ADAMTS17: variants seen among roughly 807,000 people sequenced by gnomAD.
ADAMTS17 encodes ADAM metallopeptidase with thrombospondin type 1 motif 17, also known as A disintegrin and metalloproteinase with thrombospondin motifs 17.
In ADAMTS17, 113 loss-of-function variants were observed where a neutral mutation model predicts 141.5. The ratio of observed to expected loss-of-function variants is 0.80; its 90% confidence interval spans 0.69 to 0.93. The LOEUF (loss-of-function observed/expected upper bound fraction) is 0.93. Among genes scored for constraint, ADAMTS17 ranks in the 40% least tolerant of loss-of-function variants. The probability of loss-of-function intolerance (pLI) is 0.00; values close to 1 mark genes in which losing one functional copy is unlikely to be tolerated. For missense variants in ADAMTS17, 1,659 were observed against 1,517.9 expected, an observed-to-expected ratio of 1.09 and a Z score of -1.54; for synonymous variants, 768 against 630.6, an observed-to-expected ratio of 1.22 and a Z score of -3.27.
chr15:100,022,866 C>G (rs533087792), intron 18 of ADAMTS17, among the ~76,000 whole-genome samples: 47 of 152,270 alleles, frequency 3.1e-4, no homozygotes, highest in African/African-American at 1.0e-3. Flanking sequence ...GAAGGAGATT[C>G]ATTTTATTTC....
chr15:100,225,664 GC>G (rs1164364982), intron 7 of ADAMTS17, among the ~76,000 whole-genome samples: 86 of 142,926 alleles, frequency 6.0e-4, no homozygotes, highest in African/African-American at 1.1e-3. Context: ...CGGTCTCTGT[GC>G]CCATTCAGTC....
At chr15:100,238,284 C>A (rs916446825) in intron 7 of ADAMTS17, among the ~76,000 whole-genome samples, 1 of 152,218 alleles carries the variant, frequency 6.6e-6, no homozygotes, top group Admixed American at 6.5e-5. Context: ...TTCTTATCTG[C>A]TTTCCATGTT....
intron 8 of ADAMTS17, among the ~76,000 whole-genome samples, chr15:100,158,761 T>C (rs1445163428): frequency 6.6e-6 from 1 of 152,214 alleles, no homozygotes; most frequent in Admixed American, 6.5e-5. Flanking sequence ...ATGAAGCTCC[T>C]ACAACTCAAT....
At chr15:100,194,114 T>C (rs948095440) in intron 8 of ADAMTS17, among the ~76,000 whole-genome samples, 2 of 152,234 alleles carry the variant, frequency 1.3e-5, no homozygotes, top group African/African-American at 4.8e-5. Context: ...TTTTTCTGAG[T>C]GGGTGGCGGA....
chr15:100,053,209 G>C lies in ADAMTS17; in HGVS notation c.2295+688C>G, dbSNP rs561945313. Among the ~76,000 whole-genome samples, 5 of 152,294 alleles carry C rather than the reference G, an allele frequency of 3.3e-5. No individual in the cohort carries two copies. The South Asian group carries it at 8.3e-4, about 25-fold the overall frequency. On this transcript the variant is annotated intron_variant, in intron 16 of 21. Coordinates refer to ENST00000268070, the MANE Select transcript of ADAMTS17 (RefSeq NM_139057.4). Reference sequence around the variant, plus strand: ...TTAGCCATGAGAACTCCTGGATCTTGAGACGGAAGCAGGGCGCTCCATTCC... The same window carrying C: ...TTAGCCATGAGAACTCCTGGATCTTCAGACGGAAGCAGGGCGCTCCATTCC...
chr15:100,167,947 C>T (rs1017592591), intron 8 of ADAMTS17, among the ~76,000 whole-genome samples: 1 of 152,138 alleles, frequency 6.6e-6, no homozygotes. Flanking sequence ...CTGCTCTGGC[C>T]CAGGACACAG....
chr15:100,004,288 A>T (rs1418994705), intron 18 of ADAMTS17, among the ~76,000 whole-genome samples: 1 of 152,212 alleles, frequency 6.6e-6, no homozygotes, highest in African/African-American at 2.4e-5. Flanking sequence ...GATCTTGACA[A>T]ATCTCAATGA....
chr15:100,203,891 C>CT (rs2041434729), intron 7 of ADAMTS17, among the ~76,000 whole-genome samples: 1 of 150,192 alleles, frequency 6.7e-6, no homozygotes, highest in Non-Finnish European at 1.5e-5. Context: ...GACCAAGACT[C>CT]TGTCTCAAAA....
In ADAMTS17 at chr15:100,032,616, A is replaced by G. The variant is rs546036507; in HGVS notation, c.2591+16241T>C. On this transcript the variant is annotated intron_variant, in intron 18 of 21. Transcript: ENST00000268070. The stretch of plus-strand genomic sequence containing the variant: ...GATGACTCTCTTGCCCCGCTTTTGG[A>G]TATCAATTTAGAGCTGCCTTGGTCA... Among the ~76,000 whole-genome samples the G allele has an allele frequency of 3.9e-5, 6 of 152,260 alleles. No homozygotes were observed. In the South Asian group the frequency reaches 1.2e-3, roughly 32 times the overall value.
intron 8 of ADAMTS17, among the ~76,000 whole-genome samples, chr15:100,183,613 A>G (rs2040601973): frequency 6.6e-6 from 1 of 152,226 alleles, no homozygotes; most frequent in Non-Finnish European, 1.5e-5. Flanking sequence ...CAATTCCAAC[A>G]TTTGTCACTG....
At chr15:100,341,494 G>T in intron 1 of ADAMTS17, 85 bp from the exon 2 acceptor site, 1 of 996,198 alleles carries the variant, frequency 1.0e-6, no homozygotes, top group East Asian at 1.0e-4. Context: ...CGCCAGCGCG[G>T]GGACAGCGCG....
rs528874013 is a variant in ADAMTS17 at position 100,089,378 on chromosome 15, T to C, written c.2137+6978A>G. On this transcript the variant is annotated intron_variant, in intron 15 of 21. Transcript: ENST00000268070. ...GGAGAAATAGAACACTTTTACACTG[T>C]TGGTGGGATTGTAAACTAGTTCAAC... Among the ~76,000 whole-genome samples the C allele has an allele frequency of 4.2e-5, 6 of 143,534 alleles. No homozygotes were observed. The South Asian group carries it at 1.3e-3, about 31-fold the overall frequency. The allele number at this position is 143,534 out of a possible 152,430, so 94.2% of individuals were successfully genotyped here.
chr15:100,116,156 A>C (rs1021885987), intron 13 of ADAMTS17, among the ~76,000 whole-genome samples: 2 of 150,238 alleles, frequency 1.3e-5, no homozygotes, highest in African/African-American at 2.5e-5. Flanking sequence ...AAAAAAAAAA[A>C]AACCCAACAA....
At chr15:100,288,638 T>C (rs1160120434) in intron 3 of ADAMTS17, among the ~76,000 whole-genome samples, 1 of 152,034 alleles carries the variant, frequency 6.6e-6, no homozygotes, top group Non-Finnish European at 1.5e-5. Context: ...CTCAGCACAT[T>C]CACAAAAAAC....
intron 4 of ADAMTS17, among the ~76,000 whole-genome samples, chr15:100,268,668 G>T (rs568100842): frequency 6.6e-6 from 1 of 152,224 alleles, no homozygotes; most frequent in African/African-American, 2.4e-5. Flanking sequence ...ATTCCTTATA[G>T]ATTCTGGATG....
intron 7 of ADAMTS17, among the ~76,000 whole-genome samples, chr15:100,227,467 G>A (rs917699236): frequency 8.5e-5 from 13 of 152,168 alleles, no homozygotes; most frequent in African/African-American, 2.7e-4. Flanking sequence ...ACACTTGGCC[G>A]CAAGTAATAG....
intron 5 of ADAMTS17, 74 bp from the exon 6 acceptor site, chr15:100,261,710 G>A: frequency 6.6e-7 from 1 of 1,523,764 alleles, no homozygotes; most frequent in Non-Finnish European, 8.9e-7. Context: ...CTATGACAAG[G>A]ACGTTAAGGT....
chr15:99,982,805 A>G (rs1380578836), intron 20 of ADAMTS17, among the ~76,000 whole-genome samples: 1 of 152,154 alleles, frequency 6.6e-6, no homozygotes, highest in Non-Finnish European at 1.5e-5. Flanking sequence ...GGAAACCTGA[A>G]GTGAGTGGAG....
At chr15:99,995,018 G>A (rs2060771561) in intron 19 of ADAMTS17, among the ~76,000 whole-genome samples, 1 of 152,248 alleles carries the variant, frequency 6.6e-6, no homozygotes, top group Non-Finnish European at 1.5e-5. Context: ...GTGGAGTGTA[G>A]AGCTGGTTTA....
Sources: allele counts gnomAD v4.1 joint callset (sites outside exome capture counted in the v4.1 genomes callset), GRCh38; gene constraint gnomAD v4.1.1; transcripts MANE v1.5; gene names NCBI Gene and HGNC (gene_info 2026-07-23, HGNC 2026-07-21).